The following SCN3A variants were observed in gnomAD, a reference collection of about 807,000 sequenced individuals.
SCN3A encodes the protein sodium channel protein type 3 subunit alpha.
Under a neutral mutation model 187.6 loss-of-function variants are expected in SCN3A, and 60 were observed. That is an observed-to-expected ratio of 0.32 (90% confidence interval 0.26 to 0.40). The LOEUF is 0.40. Ranked by LOEUF, SCN3A falls within the 10% of genes least tolerant of loss-of-function variation. SCN3A has a pLI of 1.00. For synonymous variants in SCN3A, 788 were observed against 829.2 expected (o/e 0.95, Z 0.85); for missense variants, 1,601 against 2,428.2 (o/e 0.66, Z 7.16).
chr2:165,193,307 TG>T (rs1691730379), intron 1 of SCN3A, among the ~76,000 whole-genome samples: 1 of 152,164 alleles, frequency 6.6e-6, no homozygotes, highest in African/African-American at 2.4e-5. Flanking sequence ...TTTTGTCTTT[TG>T]GTCTAAGAAA....
intron 6 of SCN3A, 60 bp downstream of exon 6, chr2:165,164,332 T>C (rs1689602739): frequency 6.2e-7 from 1 of 1,607,832 alleles, no homozygotes; most frequent in Admixed American, 1.7e-5. Context: ...CACAAAGACC[T>C]TGTTTGTACT....
At chr2:165,197,753 A>G (rs1260557337) in intron 1 of SCN3A, among the ~76,000 whole-genome samples, 1 of 151,778 alleles carries the variant, frequency 6.6e-6, no homozygotes, top group Non-Finnish European at 1.5e-5. Context: ...TTCATGCTTT[A>G]TGTCAGTGTA....
intron 18 of SCN3A, among the ~76,000 whole-genome samples, chr2:165,117,198 T>C (rs1469878296): frequency 1.3e-5 from 2 of 152,084 alleles, no homozygotes; most frequent in Non-Finnish European, 2.9e-5. Context: ...TATGGGTTAA[T>C]TACTATGGCT....
intron 1 of SCN3A, among the ~76,000 whole-genome samples, chr2:165,197,328 G>T (rs1410045487): frequency 6.6e-6 from 1 of 151,996 alleles, no homozygotes; most frequent in Non-Finnish European, 1.5e-5. Flanking sequence ...TCTTTCTCTA[G>T]TCAATTGGTT....
intron 21 of SCN3A, among the ~76,000 whole-genome samples, chr2:165,111,777 A>T (rs1686131582): frequency 1.3e-5 from 2 of 152,194 alleles, no homozygotes; most frequent in Non-Finnish European, 2.9e-5. Flanking sequence ...CCATTTGTGC[A>T]TAGCTTTTCA....
At chr2:165,149,572 A>G (rs1488702596) in intron 11 of SCN3A, among the ~76,000 whole-genome samples, 1 of 152,238 alleles carries the variant, frequency 6.6e-6, no homozygotes. Flanking sequence ...CAACAAAGGT[A>G]ACCTCAGACA....
chr2:165,108,605 C>G (rs1685969645), intron 21 of SCN3A, among the ~76,000 whole-genome samples: 1 of 152,074 alleles, frequency 6.6e-6, no homozygotes, highest in Non-Finnish European at 1.5e-5. Context: ...GAGAGATGCT[C>G]AGATGCATTT....
intron 1 of SCN3A, among the ~76,000 whole-genome samples, chr2:165,198,947 C>G (rs1474927578): frequency 6.6e-6 from 1 of 152,074 alleles, no homozygotes; most frequent in Admixed American, 6.6e-5. Context: ...GCCCACAAAA[C>G]GTGTCCTATT....
At chr2:165,110,410 C>A (rs962966949) in intron 21 of SCN3A, among the ~76,000 whole-genome samples, 1 of 152,112 alleles carries the variant, frequency 6.6e-6, no homozygotes, top group Non-Finnish European at 1.5e-5. Flanking sequence ...TTACACAGAC[C>A]TATTTCTCAA....
At position 165,158,750 on chromosome 2, in the gene SCN3A, T is replaced by TA. The variant is rs1002181513; in HGVS notation, c.1032-2848dup. 3.6e-5 allele frequency among the ~76,000 whole-genome samples: 5 copies of TA among 138,126 alleles called. 1 individual carries two copies. The highest frequency in any genetic ancestry group is 5.9e-5 in the African/African-American group (2 of 34,102). 90.6% of individuals were successfully genotyped at this position (138,126 alleles called of 152,430 possible). ...TGTATCTTGATAGCTCATTTCTTTT[T>TA]AATCACTCAGTAATATTTTATTGTA... is the stretch of plus-strand genomic sequence containing the variant. On this transcript the variant is annotated intron_variant, in intron 9 of 27. Coordinates refer to ENST00000283254, the MANE Select transcript of SCN3A (RefSeq NM_006922.4).
At position 165,197,968 on chromosome 2, in the gene SCN3A, GAGACCATAC is replaced by G. The variant is rs144760162; in HGVS notation, c.-248+5846_-248+5854del. Among the ~76,000 whole-genome samples, 951 of 151,956 alleles carry G rather than the reference GAGACCATAC, an allele frequency of 6.3e-3. 6 individuals are homozygous for G. Among genetic ancestry groups the G allele is most frequent in the African/African-American group, 0.022 (908 of 41,494 alleles). On this transcript the variant is annotated intron_variant, in intron 1 of 27. Coordinates refer to ENST00000283254, the MANE Select transcript of SCN3A (RefSeq NM_006922.4). ...AGACAATAAAACAGTTTAGAATTTT[GAGACCATAC>G]AGGTCTCAAGGACATGTATATATCA...
chr2:165,201,486 A>G (rs1335043706), intron 1 of SCN3A, among the ~76,000 whole-genome samples: 1 of 152,046 alleles, frequency 6.6e-6, no homozygotes, highest in Non-Finnish European at 1.5e-5. Context: ...TTAGGATGGC[A>G]GGGAGAGAGA....
intron 21 of SCN3A, among the ~76,000 whole-genome samples, chr2:165,106,467 G>A (rs1283419298): frequency 3.9e-5 from 6 of 152,110 alleles, no homozygotes; most frequent in Admixed American, 3.9e-4. Context: ...TATGAAGTGT[G>A]TAATTATGAC....
chr2:165,165,749 T>C (rs1238598158), intron 5 of SCN3A, among the ~76,000 whole-genome samples: 2 of 152,214 alleles, frequency 1.3e-5, no homozygotes, highest in African/African-American at 4.8e-5. Context: ...GTTAGGATCA[T>C]TATTTTGAAA....
chr2:165,170,368 G>T, intron 4 of SCN3A, 62 bp downstream of exon 4: 3 of 961,830 alleles, frequency 3.1e-6, no homozygotes, highest in South Asian at 2.7e-5. Context: ...AAATATAACT[G>T]ACATTTTCTT....
At chr2:165,145,683 T>G (rs188851495) in intron 12 of SCN3A, among the ~76,000 whole-genome samples, 2 of 151,988 alleles carry the variant, frequency 1.3e-5, no homozygotes, top group Non-Finnish European at 2.9e-5. Context: ...TTACTTCTGG[T>G]TTTTTTTAGA....
intron 7 of SCN3A, among the ~76,000 whole-genome samples, chr2:165,163,268 T>C (rs1259958624): frequency 6.6e-6 from 1 of 152,156 alleles, no homozygotes; most frequent in East Asian, 1.9e-4. Context: ...TAATATTTTC[T>C]CCTTTGTAAA....
rs1690714323 is a variant in SCN3A, at chr2:165,179,692, C to T, written c.-50-3248G>A. 2.0e-5 allele frequency: 3 copies of T among 152,322 alleles called. No homozygotes were observed. The South Asian group carries it at 6.2e-4, about 32-fold the overall frequency. 9.4% of individuals were successfully genotyped at this position (152,322 alleles called of 1,614,324 possible). On this transcript the variant is annotated intron_variant, in intron 2 of 27. Transcript: ENST00000283254. ...TAGTTCCAGACTCTCAGCTTTTCCC[C>T]TGCAAGAGAATTAGGGTTTGCCCAA...
At chr2:165,158,387 G>T (rs1689186620) in intron 9 of SCN3A, among the ~76,000 whole-genome samples, 1 of 136,296 alleles carries the variant, frequency 7.3e-6, no homozygotes, top group East Asian at 2.9e-4. Flanking sequence ...ATTTCTTCCT[G>T]GGATCCCCAA....
Sources: gnomAD v4.1 joint callset for allele counts (sites outside exome capture counted in the v4.1 genomes callset) on GRCh38, gnomAD v4.1.1 for gene constraint, MANE v1.5 for transcripts, NCBI Gene and HGNC (gene_info 2026-07-23, HGNC 2026-07-21) for gene names.